The following PDLIM5 variants were observed in gnomAD, a reference collection of about 807,000 sequenced individuals.
PDLIM5 encodes the protein PDZ and LIM domain 5, also known as PDZ and LIM domain protein 5.
A neutral mutation model predicts 64.2 loss-of-function variants in PDLIM5; 34 were observed. The observed-to-expected ratio is 0.53, with a 90% CI of 0.40 to 0.71. The LOEUF (loss-of-function observed/expected upper bound fraction) is 0.71. Among genes scored for constraint, PDLIM5 ranks in the 30% least tolerant of loss-of-function variants. The pLI, the probability that PDLIM5 is intolerant of heterozygous loss-of-function variation, is 0.00. For missense variants in PDLIM5, 683 were observed against 733.6 expected (o/e 0.93, Z 0.80); for synonymous variants, 253 against 269.1 (o/e 0.94, Z 0.59).
At chr4:94,483,537 C>T (rs1448327986) in intron 2 of PDLIM5, among the ~76,000 whole-genome samples, 4 of 152,064 alleles carry the variant, frequency 2.6e-5, no homozygotes, top group African/African-American at 4.8e-5. Flanking sequence ...TTGTAAATTT[C>T]TTAAATCCAT....
intron 3 of PDLIM5, among the ~76,000 whole-genome samples, chr4:94,546,697 TA>T (rs1732353286): frequency 6.6e-6 from 1 of 152,138 alleles, no homozygotes; most frequent in African/African-American, 2.4e-5. Context: ...AAGTATTTTT[TA>T]AAATATAAAG....
At chr4:94,600,254 GA>G (rs1263353758) in intron 7 of PDLIM5, among the ~76,000 whole-genome samples, 1 of 152,208 alleles carries the variant, frequency 6.6e-6, no homozygotes, top group African/African-American at 2.4e-5. Context: ...ATGAATGAGT[GA>G]ATGCAATGAG....
At chr4:94,527,325 T>G (rs567713592) in intron 3 of PDLIM5, among the ~76,000 whole-genome samples, 1 of 151,522 alleles carries the variant, frequency 6.6e-6, no homozygotes, top group Non-Finnish European at 1.5e-5. Flanking sequence ...AAAGTGCTGG[T>G]ATTACAGGCA....
intron 3 of PDLIM5, among the ~76,000 whole-genome samples, chr4:94,532,881 G>A (rs1025857070): frequency 6.6e-6 from 1 of 152,100 alleles, no homozygotes; most frequent in Non-Finnish European, 1.5e-5. Context: ...GTACGCGTCT[G>A]TATTCCAGCT....
In PDLIM5 at chr4:94,664,244, A is replaced by T; in HGVS notation, c.*177A>T. On this transcript the variant is annotated 3_prime_UTR_variant, in exon 13 of 13. Coordinates refer to ENST00000317968, the MANE Select transcript of PDLIM5 (RefSeq NM_006457.5). ...GGAAATATTTGGCTTCATAAAGTAA[A>T]GAGACGGTTTGGCATTTATTATTAC... is the stretch of plus-strand genomic sequence containing the variant. 8.8e-7 allele frequency: 1 copy of T among 1,134,742 alleles called. No homozygotes were observed. Among genetic ancestry groups the T allele is most frequent in the Non-Finnish European group, 1.1e-6 (1 of 907,854 alleles). 70.3% of individuals were successfully genotyped at this position (1,134,742 alleles called of 1,614,324 possible).
At chr4:94,606,077 C>A (rs1221883344) in intron 7 of PDLIM5, among the ~76,000 whole-genome samples, 2 of 152,078 alleles carry the variant, frequency 1.3e-5, no homozygotes, top group African/African-American at 4.8e-5. Context: ...CTAGAAGGTA[C>A]AAATACTTTT....
chr4:94,611,001 C>T (rs1035822340), intron 7 of PDLIM5: 1 of 1,208,596 alleles, frequency 8.3e-7, no homozygotes, highest in African/African-American at 1.5e-5. Context: ...AATCACAGAC[C>T]TTAAGAACTA....
chr4:94,471,209 A>T (rs1724842506), intron 2 of PDLIM5, among the ~76,000 whole-genome samples: 6 of 152,224 alleles, frequency 3.9e-5, no homozygotes, highest in Admixed American at 3.9e-4. Context: ...AATTCAGGGT[A>T]GCAAGTTTTT....
At chr4:94,465,950 C>G (rs1224879997) in intron 2 of PDLIM5, among the ~76,000 whole-genome samples, 2 of 151,272 alleles carry the variant, frequency 1.3e-5, no homozygotes, top group Non-Finnish European at 2.9e-5. Context: ...GTGTGTGTGT[C>G]TGTTTCTTTT....
chr4:94,595,242 A>G lies in PDLIM5; in HGVS notation c.920+8798A>G, dbSNP rs1371389679. Among the ~76,000 whole-genome samples the G allele has an allele frequency of 1.3e-5, 2 of 152,356 alleles. 1 individual carries two copies. The highest frequency in any genetic ancestry group is 2.9e-5 in the Non-Finnish European group (2 of 68,034). On this transcript the variant is annotated intron_variant, in intron 7 of 12. Transcript: ENST00000317968. ...TGACATGTGGTTTGGGTGGGGACAC[A>G]GAGCCAAACCATATCAATGGTTAAG... is the stretch of plus-strand genomic sequence containing the variant.
chr4:94,518,102 G>A (rs867999508), intron 2 of PDLIM5, among the ~76,000 whole-genome samples: 1 of 152,164 alleles, frequency 6.6e-6, no homozygotes, highest in Non-Finnish European at 1.5e-5. Flanking sequence ...TCACTGTTGC[G>A]ATTAAACATC....
intron 2 of PDLIM5, among the ~76,000 whole-genome samples, chr4:94,459,566 T>G (rs1293401775): frequency 6.6e-6 from 1 of 152,180 alleles, no homozygotes; most frequent in East Asian, 1.9e-4. Context: ...GTAGTTATAG[T>G]AATACTTCCT....
At chr4:94,515,288 TG>T (rs1364164407) in intron 2 of PDLIM5, among the ~76,000 whole-genome samples, 4 of 152,184 alleles carry the variant, frequency 2.6e-5, no homozygotes, top group African/African-American at 9.7e-5. Context: ...TAATGCCTTA[TG>T]GGAATAGGGC....
chr4:94,645,819 A>G (rs1384710585), intron 9 of PDLIM5, among the ~76,000 whole-genome samples: 1 of 152,202 alleles, frequency 6.6e-6, no homozygotes, highest in Non-Finnish European at 1.5e-5. Flanking sequence ...ACACACAATG[A>G]TATCTATTAC....
intron 1 of PDLIM5, among the ~76,000 whole-genome samples, chr4:94,453,786 A>G (rs756466498): frequency 2.8e-4 from 43 of 152,144 alleles, no homozygotes; most frequent in Non-Finnish European, 5.9e-4. Context: ...TCACCTATAT[A>G]TACAGTTTGA....
At chr4:94,644,529 CTTT>C (rs201777322) in intron 9 of PDLIM5, among the ~76,000 whole-genome samples, 1 of 144,756 alleles carries the variant, frequency 6.9e-6, no homozygotes. Flanking sequence ...ATGCCAAGAA[CTTT>C]TTTTTTTTTT....
chr4:94,625,340 G>A (rs949801964), intron 8 of PDLIM5, among the ~76,000 whole-genome samples: 4 of 152,080 alleles, frequency 2.6e-5, no homozygotes, highest in Admixed American at 6.5e-5. Flanking sequence ...ATTATTAAAC[G>A]TGTCCATGGA....
At chr4:94,613,960 CTTTTTTTTTTT>C (rs759120575) in intron 7 of PDLIM5, among the ~76,000 whole-genome samples, 1 of 124,344 alleles carries the variant, frequency 8.0e-6, no homozygotes, top group African/African-American at 3.3e-5. Flanking sequence ...ACTTTTAATC[CTTTTTTTTTTT>C]TTTTTTTTTT....
chr4:94,586,912 G>C (rs902191087), intron 7 of PDLIM5: 11 of 1,290,774 alleles, frequency 8.5e-6, no homozygotes, highest in Non-Finnish European at 9.5e-6. Context: ...GATGGAATTA[G>C]TCTAGAACCT....
Sources: gnomAD v4.1 joint callset for allele counts (sites outside exome capture counted in the v4.1 genomes callset) on GRCh38, gnomAD v4.1.1 for gene constraint, MANE v1.5 for transcripts, NCBI Gene and HGNC (gene_info 2026-07-23, HGNC 2026-07-21) for gene names.